Variants in APBB2 observed in about 807,000 individuals in gnomAD.
APBB2 encodes the protein amyloid beta precursor protein binding family B member 2.
APBB2 carries 38 observed loss-of-function variants against 82.5 expected under a neutral mutation model. The observed-to-expected ratio is 0.46, with a 90% CI of 0.36 to 0.60. The LOEUF is 0.60. Among genes scored for constraint, APBB2 ranks in the 20% least tolerant of loss-of-function variants. The probability of loss-of-function intolerance (pLI) is 0.00; values close to 1 mark genes in which losing one functional copy is unlikely to be tolerated. For missense variants in APBB2, 772 were observed against 972.3 expected, an observed-to-expected ratio of 0.79 and a Z score of 2.74; for synonymous variants, 341 against 368.2, an observed-to-expected ratio of 0.93 and a Z score of 0.85.
At chr4:41,112,814 C>T (rs986140367) in intron 2 of APBB2, among the ~76,000 whole-genome samples, 1 of 151,922 alleles carries the variant, frequency 6.6e-6, no homozygotes, top group Non-Finnish European at 1.5e-5. Context: ...ATGGTGAAAC[C>T]CCATCTGTAC....
intron 7 of APBB2, among the ~76,000 whole-genome samples, chr4:40,936,231 G>A (rs1785335528): frequency 6.6e-6 from 1 of 152,142 alleles, no homozygotes; most frequent in African/African-American, 2.4e-5. Flanking sequence ...AATGTCTTGT[G>A]CGTCGAAAGA....
chr4:41,101,077 T>C (rs1030953554), intron 2 of APBB2, among the ~76,000 whole-genome samples: 1 of 152,216 alleles, frequency 6.6e-6, no homozygotes, highest in Non-Finnish European at 1.5e-5. Flanking sequence ...TCTAATTATA[T>C]TGTGACTTGG....
intron 10 of APBB2, among the ~76,000 whole-genome samples, chr4:40,930,419 A>C (rs867547134): frequency 3.2e-4 from 37 of 116,688 alleles, no homozygotes; most frequent in African/African-American, 1.3e-3. Flanking sequence ...CTCTTTGGGG[A>C]AGTGTGTGTG....
In APBB2 at chr4:41,092,988, C is replaced by A. The variant is rs534912457; in HGVS notation, c.-149+7651G>T. Among the ~76,000 whole-genome samples the A allele has an allele frequency of 5.5e-4, 84 of 152,214 alleles. 1 individual carries two copies. The highest frequency in any genetic ancestry group is 1.8e-3 in the African/African-American group (74 of 41,540). ...TTTCCAGAACACCTGAACTTACTGT[C>A]GACTGAGGCTACGAGAGCTATTTAG... On this transcript the variant is annotated intron_variant, in intron 3 of 17. Transcript: ENST00000508593.
intron 6 of APBB2, among the ~76,000 whole-genome samples, chr4:40,982,377 AGG>A (rs1560448677): frequency 6.1e-5 from 1 of 16,338 alleles, no homozygotes; most frequent in Non-Finnish European, 1.2e-4. Flanking sequence ...GAAGGAAGGA[AGG>A]AAGGAAGGAA....
chr4:40,853,608 T>A (rs1484663859), intron 12 of APBB2, among the ~76,000 whole-genome samples: 1 of 151,902 alleles, frequency 6.6e-6, no homozygotes, highest in African/African-American at 2.4e-5. Flanking sequence ...CACCACCATG[T>A]CTGGCTAATT....
intron 2 of APBB2, among the ~76,000 whole-genome samples, chr4:41,134,245 G>C (rs533235364): frequency 1.3e-5 from 2 of 152,154 alleles, no homozygotes; most frequent in Admixed American, 1.3e-4. Context: ...GCCTCTCAAA[G>C]GGCTGGGATT....
chr4:41,149,194 CT>C (rs1761563530), intron 1 of APBB2, among the ~76,000 whole-genome samples: 2 of 151,900 alleles, frequency 1.3e-5, no homozygotes, highest in Admixed American at 1.3e-4. Context: ...AGAACACATG[CT>C]GAAATTCATC....
chr4:41,167,111 CA>C (rs1371707805), intron 1 of APBB2, among the ~76,000 whole-genome samples: 1 of 152,088 alleles, frequency 6.6e-6, no homozygotes, highest in Non-Finnish European at 1.5e-5. Context: ...AAAGGTTTAT[CA>C]AAAAGGATAT....
chr4:41,023,305 A>C (rs2154434459), intron 5 of APBB2, among the ~76,000 whole-genome samples: 1 of 152,346 alleles, frequency 6.6e-6, no homozygotes, highest in East Asian at 1.9e-4. Context: ...GCAGACTTCT[A>C]TGATTAGATC....
At position 41,085,672 on chromosome 4, in the gene APBB2, A is replaced by C. The variant is rs563916718; in HGVS notation, c.-149+14967T>G. ...CTACAATGAGTAGTGAGACAAAGGC[A>C]CTACCCAAGGAACAAAAAATGGCAG... is the stretch of plus-strand genomic sequence containing the variant. On this transcript the variant is annotated intron_variant, in intron 3 of 17. Transcript: ENST00000508593. 1.6e-4 allele frequency among the ~76,000 whole-genome samples: 25 copies of C among 152,322 alleles called. 1 individual carries two copies. In the South Asian group the frequency reaches 5.0e-3, roughly 30 times the overall value.
At chr4:41,034,850 G>A (rs547826534) in intron 4 of APBB2, among the ~76,000 whole-genome samples, 3 of 152,274 alleles carry the variant, frequency 2.0e-5, no homozygotes, top group East Asian at 3.9e-4. Flanking sequence ...ACATAATAAG[G>A]AAAACTGAAA....
chr4:41,062,772 C>G (rs1433460267), intron 4 of APBB2, among the ~76,000 whole-genome samples: 3 of 152,176 alleles, frequency 2.0e-5, no homozygotes, highest in African/African-American at 7.2e-5. Flanking sequence ...GCAATCTCTA[C>G]GCTGAGCACA....
At chr4:40,975,605 G>T (rs974848133) in intron 6 of APBB2, among the ~76,000 whole-genome samples, 1 of 151,978 alleles carries the variant, frequency 6.6e-6, no homozygotes, top group African/African-American at 2.4e-5. Flanking sequence ...AGTCCTTACT[G>T]CCCCAGGCAC....
At chr4:40,980,321 G>A (rs1354122687) in intron 6 of APBB2, among the ~76,000 whole-genome samples, 2 of 152,190 alleles carry the variant, frequency 1.3e-5, no homozygotes, top group African/African-American at 4.8e-5. Flanking sequence ...ACTGCGCCTG[G>A]CCCTAGCTGG....
intron 6 of APBB2, among the ~76,000 whole-genome samples, chr4:41,011,151 T>A (rs76240324): frequency 6.7e-6 from 1 of 149,218 alleles, no homozygotes; most frequent in African/African-American, 2.5e-5. Context: ...TATTATTGTT[T>A]TTTTTTTTAA....
chr4:40,933,301 C>A (rs1166546336), intron 10 of APBB2, among the ~76,000 whole-genome samples: 1 of 152,146 alleles, frequency 6.6e-6, no homozygotes, highest in Admixed American at 6.5e-5. Flanking sequence ...TTCTGGGTAC[C>A]CTCTCCCATC....
intron 5 of APBB2, among the ~76,000 whole-genome samples, chr4:41,016,137 T>G (rs1443345697): frequency 6.6e-6 from 1 of 152,084 alleles, no homozygotes; most frequent in African/African-American, 2.4e-5. Context: ...GTATTTAGAG[T>G]GAGATTATGA....
intron 7 of APBB2, chr4:40,935,364 A>G (rs1211225661): frequency 6.0e-6 from 3 of 498,014 alleles, no homozygotes; most frequent in Non-Finnish European, 1.1e-5. Flanking sequence ...TTACTTACCA[A>G]ATAAATGACT....
Sources: allele counts gnomAD v4.1 joint callset (sites outside exome capture counted in the v4.1 genomes callset), GRCh38; gene constraint gnomAD v4.1.1; transcripts MANE v1.5; gene names NCBI Gene and HGNC (gene_info 2026-07-23, HGNC 2026-07-21).